Variants in PREX2 observed in about 807,000 individuals in gnomAD.
The protein encoded by PREX2 is phosphatidylinositol 3,4,5-trisphosphate-dependent Rac exchanger 2 protein.
In PREX2, 107 loss-of-function variants were observed where a neutral mutation model predicts 203.2. The observed-to-expected ratio is 0.53, with a 90% CI of 0.45 to 0.62. The LOEUF (loss-of-function observed/expected upper bound fraction) is 0.62. Ranked by LOEUF, PREX2 falls within the 20% of genes least tolerant of loss-of-function variation. The pLI, the probability that PREX2 is intolerant of heterozygous loss-of-function variation, is 0.00. For synonymous variants in PREX2, 672 were observed against 663.6 expected (o/e 1.01, Z -0.19); for missense variants, 1,777 against 1,955.9 (o/e 0.91, Z 1.72).
intron 33 of PREX2, among the ~76,000 whole-genome samples, chr8:68,139,911 T>C (rs754125180): frequency 1.3e-5 from 2 of 152,204 alleles, no homozygotes; most frequent in Non-Finnish European, 2.9e-5. Flanking sequence ...GAATAGGATA[T>C]ATTTTCATTT....
Position 68,033,971 on chromosome 8 carries a change from G to T in PREX2, c.705+3313G>T, listed in dbSNP as rs10504416. Among the ~76,000 whole-genome samples, 4 of 152,152 alleles carry T rather than the reference G, an allele frequency of 2.6e-5. No homozygotes were observed. In the South Asian group the frequency reaches 8.3e-4, roughly 32 times the overall value. ...GCTGAAAACATTTAGCTGAAAACAG[G>T]CAGCTTGATTCTAAAGCTTATATTC... On this transcript the variant is annotated intron_variant, in intron 6 of 39. Transcript: ENST00000288368.
chr8:68,091,633 A>G (rs1809877493), intron 20 of PREX2, among the ~76,000 whole-genome samples: 1 of 152,218 alleles, frequency 6.6e-6, no homozygotes, highest in Admixed American at 6.5e-5. Flanking sequence ...AGCATAGCAA[A>G]TTGGAAGTTA....
intron 1 of PREX2, among the ~76,000 whole-genome samples, chr8:68,008,739 T>C (rs1807175094): frequency 2.0e-5 from 3 of 152,064 alleles, no homozygotes; most frequent in African/African-American, 7.2e-5. Context: ...TTTGTGATAG[T>C]GAATAAATCT....
At chr8:68,104,004 C>T (rs952265266) in intron 23 of PREX2, among the ~76,000 whole-genome samples, 3 of 152,184 alleles carry the variant, frequency 2.0e-5, no homozygotes, top group African/African-American at 7.2e-5. Context: ...GCTCTTGATC[C>T]TTCCCCTGCC....
chr8:68,203,743 TGAG>T (rs1186755250), intron 37 of PREX2, among the ~76,000 whole-genome samples: 1 of 152,136 alleles, frequency 6.6e-6, no homozygotes, highest in African/African-American at 2.4e-5. Flanking sequence ...TGCACCCTGA[TGAG>T]GAGCCTCAGG....
At chr8:67,974,211 C>G (rs183983198) in intron 1 of PREX2, among the ~76,000 whole-genome samples, 1 of 152,000 alleles carries the variant, frequency 6.6e-6, no homozygotes, top group Admixed American at 6.6e-5. Context: ...ATAGGAACCT[C>G]GTGTTTGAAA....
chr8:67,988,630 G>A (rs1033261478), intron 1 of PREX2, among the ~76,000 whole-genome samples: 2 of 152,206 alleles, frequency 1.3e-5, no homozygotes, highest in African/African-American at 4.8e-5. Flanking sequence ...TGTTTCCCAA[G>A]GCTGGTGCCC....
At chr8:68,154,976 A>G (rs183141893) in intron 34 of PREX2, among the ~76,000 whole-genome samples, 1 of 152,256 alleles carries the variant, frequency 6.6e-6, no homozygotes, top group East Asian at 1.9e-4. Context: ...ATTGTCTTGG[A>G]ATTTGAATGA....
chr8:68,068,968 ATTTGCTGTTT>A, intron 11 of PREX2, 55 bp from the exon 12 acceptor site: 1 of 613,866 alleles, frequency 1.6e-6, no homozygotes, highest in Non-Finnish European at 2.7e-6. Flanking sequence ...TAATAAATTT[ATTTGCTGTTT>A]ATCTGCCCCC....
At chr8:68,118,759 A>G in intron 27 of PREX2, 115 bp downstream of exon 27, 1 of 816,514 alleles carries the variant, frequency 1.2e-6, no homozygotes, top group East Asian at 2.5e-5. Flanking sequence ...TTTATCAGTC[A>G]CTCTCTGTGG....
At position 68,118,588 on chromosome 8, in the gene PREX2, C is replaced by T. The variant is rs1563554156; in HGVS notation, c.3365C>T (p.Thr1122Ile). 1 of 1,614,092 alleles carries T rather than the reference C, an allele frequency of 6.2e-7. No homozygotes were observed. Among genetic ancestry groups the T allele is most frequent in the Non-Finnish European group, 8.5e-7 (1 of 1,179,958 alleles). ...NSNRNSIASFTSICSSQCSSY... is the reference protein window; with the variant it reads ...NSNRNSIASFISICSSQCSSY... Reference sequence around the variant, plus strand: ...AATAGGAATTCCATCGCCTCCTTCACCAGCATCTGCAGCAGCCAGTGCAGC... The same window carrying T: ...AATAGGAATTCCATCGCCTCCTTCATCAGCATCTGCAGCAGCCAGTGCAGC... The change falls in exon 27 of 40, where the codon ACC becomes ATC. Residue 1122 changes from threonine to isoleucine, a missense_variant. Physicochemically the swap from Thr to Ile is moderately conservative, Grantham distance 89 (BLOSUM62 -1). Transcript: ENST00000288368.
At chr8:68,034,834 G>A (rs544826597) in intron 6 of PREX2, among the ~76,000 whole-genome samples, 1 of 152,136 alleles carries the variant, frequency 6.6e-6, no homozygotes, top group South Asian at 2.1e-4. Flanking sequence ...GCTGGGACTT[G>A]TTTCTTTTTG....
At chr8:67,954,136 G>A (rs1029486243) in intron 1 of PREX2, among the ~76,000 whole-genome samples, 1 of 152,160 alleles carries the variant, frequency 6.6e-6, no homozygotes, top group African/African-American at 2.4e-5. Context: ...CTTACTGTTA[G>A]TATATAGAGT....
chr8:68,146,247 G>A lies in PREX2; in HGVS notation c.4126G>A (p.Ala1376Thr), dbSNP rs2129613663. 1.2e-6 allele frequency: 2 copies of A among 1,611,564 alleles called. No homozygotes were observed. The highest frequency in any genetic ancestry group is 1.7e-6 in the Non-Finnish European group (2 of 1,178,590). The change falls in exon 34 of 40, where the codon GCT becomes ACT. Residue 1376 changes from alanine to threonine, a missense_variant. Physicochemically the swap from Ala to Thr is moderately conservative, Grantham distance 58. Coordinates refer to ENST00000288368, the MANE Select transcript of PREX2 (RefSeq NM_024870.4). ...ATATCAAGCAGAAGGAAGTCGGCAA[G>A]CTCTGAAAGTTTACTTCTACATTGA... is the stretch of plus-strand genomic sequence containing the variant. ...LTYQAEGSRQ[A>T]LKVYFYIDSY...
intron 37 of PREX2, among the ~76,000 whole-genome samples, chr8:68,196,410 A>G (rs938809698): frequency 2.0e-5 from 3 of 147,494 alleles, no homozygotes; most frequent in Admixed American, 6.8e-5. Flanking sequence ...ACATAGCTTT[A>G]TATATTATAT....
intron 33 of PREX2, among the ~76,000 whole-genome samples, chr8:68,143,840 T>C (rs1177954041): frequency 6.6e-6 from 1 of 152,214 alleles, no homozygotes; most frequent in Admixed American, 6.5e-5. Flanking sequence ...TTTAAGTCTA[T>C]AATTCATTTT....
At chr8:68,151,606 A>G (rs1585830498) in intron 34 of PREX2, among the ~76,000 whole-genome samples, 1 of 152,110 alleles carries the variant, frequency 6.6e-6, no homozygotes, top group African/African-American at 2.4e-5. Context: ...GTCTTTGAAT[A>G]TATATAGTGA....
rs772736932 is a variant in PREX2, at chr8:68,232,904, C to T, written c.*1526C>T. 8.5e-5 allele frequency: 13 copies of T among 152,202 alleles called. No homozygotes were observed. Among genetic ancestry groups the T allele is most frequent in the Non-Finnish European group, 7.3e-5 (5 of 68,030 alleles). 9.4% of individuals were successfully genotyped at this position (152,202 alleles called of 1,614,324 possible). A position where few individuals can be genotyped will look rare whatever the true frequency, so the allele number is the denominator to read the frequency against. On this transcript the variant is annotated 3_prime_UTR_variant, in exon 40 of 40. Coordinates refer to ENST00000288368, the MANE Select transcript of PREX2 (RefSeq NM_024870.4). Reference sequence around the variant, plus strand: ...AAGTGCTAGGATTACAGGCGTGAGCCGCTGCTCCCGGCCCATTATTAAATT... The same window carrying T: ...AAGTGCTAGGATTACAGGCGTGAGCTGCTGCTCCCGGCCCATTATTAAATT...
At position 68,166,276 on chromosome 8, in the gene PREX2, A is replaced by G. The variant is rs866048163; in HGVS notation, c.4346+8840A>G. ...ACCCAATAGGACTTCTGAAGATGGA[A>G]TGTTTGTGCTGGTACCAAGCCCTGC... On this transcript the variant is annotated intron_variant, in intron 35 of 39. Transcript: ENST00000288368. Among the ~76,000 whole-genome samples the G allele has an allele frequency of 2.0e-4, 31 of 152,334 alleles. 1 individual carries two copies. The highest frequency in any genetic ancestry group is 3.4e-3 in the Middle Eastern group (1 of 294).
Sources: gnomAD v4.1 joint callset for allele counts (sites outside exome capture counted in the v4.1 genomes callset) on GRCh38, gnomAD v4.1.1 for gene constraint, MANE v1.5 for transcripts, NCBI Gene and HGNC (gene_info 2026-07-23, HGNC 2026-07-21) for gene names.